Variants in FRMD7 observed in about 807,000 individuals in gnomAD.
The protein encoded by FRMD7 is FERM domain containing 7.
A neutral mutation model predicts 44.1 loss-of-function variants in FRMD7; 14 were observed. That is an observed-to-expected ratio of 0.32 (90% confidence interval 0.21 to 0.50). The LOEUF (loss-of-function observed/expected upper bound fraction) is 0.50, where lower values mean the gene tolerates loss of function less well. Ranked by LOEUF, FRMD7 falls within the 20% of genes least tolerant of loss-of-function variation. The pLI, the probability that FRMD7 is intolerant of heterozygous loss-of-function variation, is 0.99. For missense variants in FRMD7, 501 were observed against 522.3 expected (o/e 0.96, Z 0.40); for synonymous variants, 212 against 187.4 (o/e 1.13, Z -1.07).
chrX:132,127,794 C>A lies in FRMD7; in HGVS notation c.51G>T (p.Val17=), dbSNP rs1271090595. ...QFLDDSQKIF[V]VDQKSSGKAL... is the part of the protein sequence containing the mutation. ...CAATGTGATTTCCACTTACATCAAC[C>A]ACAAAAATCTTCTGGGAATCATCCA... The change falls in exon 1 of 12, where the codon GTG becomes GTT. Residue 17 remains valine (V), a synonymous_variant. Transcript: ENST00000298542. The A allele has an allele frequency of 8.3e-7, 1 of 1,201,744 alleles. No individual in the cohort carries two copies. The highest frequency in any genetic ancestry group is 1.1e-6 in the Non-Finnish European group (1 of 886,439).
At chrX:132,125,558 A>C (rs750210932) in intron 1 of FRMD7, among the ~76,000 whole-genome samples, 1 of 111,845 alleles carries the variant, frequency 8.9e-6, no homozygotes, top group Non-Finnish European at 1.9e-5. Flanking sequence ...TGTTAGTACT[A>C]ATAAAATAGA....
rs148342301 is a variant in FRMD7 at position 132,080,561 on chromosome X, C to G, written c.906-295G>C. 6.6e-4 allele frequency among the ~76,000 whole-genome samples: 74 copies of G among 112,138 alleles called. No homozygotes were observed. The East Asian group carries it at 0.018, about 27-fold the overall frequency. On this transcript the variant is annotated intron_variant, in intron 9 of 11. Transcript: ENST00000298542. Reference sequence around the variant, plus strand: ...TGGGCATGGTGGCTCACACCTTAATCCCAGCCCTTTGGGAGGCTGAGGCAG... The same window carrying G: ...TGGGCATGGTGGCTCACACCTTAATGCCAGCCCTTTGGGAGGCTGAGGCAG...
At chrX:132,111,253 T>A (rs1175139096) in intron 1 of FRMD7, among the ~76,000 whole-genome samples, 1 of 112,415 alleles carries the variant, frequency 8.9e-6, no homozygotes, top group African/African-American at 3.2e-5. Context: ...TGTTTTTAAA[T>A]TTTTTATCTA....
At chrX:132,084,624 C>A in intron 7 of FRMD7, 39 bp from the exon 8 acceptor site, 1 of 841,168 alleles carries the variant, frequency 1.2e-6, no homozygotes, top group South Asian at 2.0e-5. Flanking sequence ...AATGTATTAA[C>A]AAGAGTTGGC....
At chrX:132,126,135 T>C (rs1929151727) in intron 1 of FRMD7, among the ~76,000 whole-genome samples, 1 of 111,165 alleles carries the variant, frequency 9.0e-6, no homozygotes, top group East Asian at 2.8e-4. Context: ...CTATTATTGT[T>C]AAGCAGAGAA....
intron 7 of FRMD7, 50 bp downstream of exon 7, chrX:132,085,531 A>G: frequency 8.6e-7 from 1 of 1,164,461 alleles, no homozygotes; most frequent in Admixed American, 2.2e-5. Flanking sequence ...TTGAGCCAAG[A>G]TAACCACCCC....
intron 1 of FRMD7, among the ~76,000 whole-genome samples, chrX:132,105,965 CA>C (rs1928637056): frequency 8.9e-6 from 1 of 111,806 alleles, no homozygotes; most frequent in Non-Finnish European, 1.9e-5. Context: ...GATTTCATGA[CA>C]AAGACACCAA....
rs755974478 is a variant in FRMD7, at chrX:132,094,159, A to G, written c.285-20T>C. 3 of 886,798 alleles carry G rather than the reference A, an allele frequency of 3.4e-6. No individual in the cohort carries two copies. In the East Asian group the frequency reaches 9.3e-5, roughly 27 times the overall value. 73.1% of individuals were successfully genotyped at this position (886,798 alleles called of 1,213,427 possible). A position where few individuals can be genotyped will look rare whatever the true frequency, so the allele number is the denominator to read the frequency against. The stretch of plus-strand genomic sequence containing the variant: ...AGATACCTGCAAAGAAATTGGGGAG[A>G]ATCTCTTGAGAAAGAAACAGAAATA... On this transcript the variant is annotated intron_variant, in intron 4 of 11. Coordinates refer to ENST00000298542, the MANE Select transcript of FRMD7 (RefSeq NM_194277.3).
intron 4 of FRMD7, among the ~76,000 whole-genome samples, chrX:132,096,115 T>C (rs1928325874): frequency 9.0e-6 from 1 of 111,555 alleles, no homozygotes; most frequent in South Asian, 3.7e-4. Flanking sequence ...TACATATATA[T>C]ACCAAGGTAT....
At chrX:132,081,096 A>G (rs1927793377) in intron 9 of FRMD7, among the ~76,000 whole-genome samples, 1 of 111,691 alleles carries the variant, frequency 9.0e-6, no homozygotes, top group East Asian at 2.8e-4. Context: ...GCACTTTGGG[A>G]GGCCAAGGCT....
chrX:132,107,632 A>G (rs1928680591), intron 1 of FRMD7, among the ~76,000 whole-genome samples: 1 of 109,152 alleles, frequency 9.2e-6, no homozygotes, highest in African/African-American at 3.4e-5. Flanking sequence ...AGAGAGAGAG[A>G]GGGAGGGAGA....
At chrX:132,122,990 T>C (rs1929072738) in intron 1 of FRMD7, among the ~76,000 whole-genome samples, 1 of 111,696 alleles carries the variant, frequency 9.0e-6, no homozygotes, top group Non-Finnish European at 1.9e-5. Flanking sequence ...CATTTTCCTT[T>C]CAATACTCCA....
At chrX:132,093,279 A>G (rs1444633645) in intron 5 of FRMD7, among the ~76,000 whole-genome samples, 1 of 112,580 alleles carries the variant, frequency 8.9e-6, no homozygotes, top group Non-Finnish European at 1.9e-5. Context: ...TTAAGATACA[A>G]AAAATGAAGT....
intron 5 of FRMD7, among the ~76,000 whole-genome samples, chrX:132,086,802 C>A (rs1481020509): frequency 1.8e-5 from 2 of 111,953 alleles, no homozygotes; most frequent in African/African-American, 6.5e-5. Context: ...AGCCATCCAA[C>A]CCCACTCCAT....
Position 132,085,945 on chromosome X carries a change from T to C in FRMD7, c.472A>G (p.Ile158Val), listed in dbSNP as rs1462648969. 8.3e-7 allele frequency: 1 copy of C among 1,198,765 alleles called. No homozygotes were observed. Among genetic ancestry groups the C allele is most frequent in the Admixed American group, 2.2e-5 (1 of 46,051 alleles). The change falls in exon 6 of 12, where the codon ATC becomes GTC. Residue 158 changes from isoleucine to valine, a missense_variant. Physicochemically the swap from Ile to Val is conservative, Grantham distance 29. Transcript: ENST00000298542. ...ATGTGCTTCTGATGAAAGTGCATGA[T>C]CTTGCCCTCTAAACAGTCTTGGTTT... ...LPNQDCLEGKIMHFHQKHIGR... is the reference protein window; with the variant it reads ...LPNQDCLEGKVMHFHQKHIGR...
intron 1 of FRMD7, among the ~76,000 whole-genome samples, chrX:132,123,154 T>G (rs1390001094): frequency 1.8e-5 from 2 of 111,367 alleles, no homozygotes; most frequent in Non-Finnish European, 3.8e-5. Context: ...ACTTAAATGG[T>G]TTGTTCTTCT....
Position 132,078,184 on chromosome X carries a change from C to T in FRMD7, c.1833G>A (p.Gly611=), listed in dbSNP as rs1927674280. Residue 611 remains glycine (G), a synonymous_variant, in exon 12 of 12, where the codon GGG becomes GGA. Transcript: ENST00000298542. ...CTTTATGACTGAGAGCAGGACAAGG[C>T]CCTAAAGGTCTAAATTCTGACCCAA... ...FPFGSEFRPL[G]PCPALSHKAD... 1.7e-6 allele frequency: 2 copies of T among 1,211,556 alleles called. No homozygotes were observed. Among genetic ancestry groups the T allele is most frequent in the Non-Finnish European group, 2.2e-6 (2 of 895,336 alleles).
At chrX:132,122,256 A>T (rs1443716950) in intron 1 of FRMD7, among the ~76,000 whole-genome samples, 1 of 112,067 alleles carries the variant, frequency 8.9e-6, no homozygotes, top group African/African-American at 3.2e-5. Flanking sequence ...TGCTAGGATC[A>T]TCTCCACTTT....
intron 1 of FRMD7, among the ~76,000 whole-genome samples, chrX:132,102,891 A>G (rs1160521503): frequency 8.9e-6 from 1 of 112,348 alleles, no homozygotes; most frequent in African/African-American, 3.2e-5. Context: ...ATTACAAAGC[A>G]TATGTAGCCA....
Sources: allele counts gnomAD v4.1 joint callset (sites outside exome capture counted in the v4.1 genomes callset), GRCh38; gene constraint gnomAD v4.1.1; transcripts MANE v1.5; gene names NCBI Gene and HGNC (gene_info 2026-07-23, HGNC 2026-07-21).